NRXN3: variants seen among roughly 807,000 people sequenced by gnomAD.
NRXN3 encodes the protein neurexin 3.
In NRXN3, 32 loss-of-function variants were observed where a neutral mutation model predicts 137.6. The ratio of observed to expected loss-of-function variants is 0.23; its 90% confidence interval spans 0.18 to 0.31. NRXN3 has a LOEUF of 0.31. Ranked by LOEUF, NRXN3 falls within the 10% of genes least tolerant of loss-of-function variation. The pLI is 1.00. For missense variants in NRXN3, 1,574 were observed against 2,062.5 expected (o/e 0.76, Z 4.59); for synonymous variants, 798 against 784.5 (o/e 1.02, Z -0.29).
At chr14:79,743,373 T>C (rs2098969142) in intron 19 of NRXN3, among the ~76,000 whole-genome samples, 3 of 152,100 alleles carry the variant, frequency 2.0e-5, no homozygotes, top group Admixed American at 1.3e-4. Flanking sequence ...TAGGGAACTG[T>C]CTAAAATTTC....
intron 4 of NRXN3, among the ~76,000 whole-genome samples, chr14:78,360,655 G>C (rs1025618770): frequency 3.3e-5 from 5 of 152,210 alleles, no homozygotes; most frequent in African/African-American, 9.6e-5. Flanking sequence ...AAGGTACTTA[G>C]AACAATGCCT....
chr14:79,740,522 G>A (rs1287082351), intron 19 of NRXN3, among the ~76,000 whole-genome samples: 2 of 151,220 alleles, frequency 1.3e-5, no homozygotes, highest in Non-Finnish European at 2.9e-5. Flanking sequence ...GAATGTGCCT[G>A]CCACTTTTGT....
At chr14:78,691,450 C>T (rs953013788) in intron 6 of NRXN3, among the ~76,000 whole-genome samples, 1 of 152,146 alleles carries the variant, frequency 6.6e-6, no homozygotes, top group African/African-American at 2.4e-5. Flanking sequence ...TCAATTTATC[C>T]TGTTGTCACT....
intron 16 of NRXN3, among the ~76,000 whole-genome samples, chr14:79,509,094 C>T (rs1201957863): frequency 6.6e-6 from 1 of 152,052 alleles, no homozygotes; most frequent in Non-Finnish European, 1.5e-5. Flanking sequence ...AGTCAGATGG[C>T]TGAGGCACAA....
chr14:78,253,073 T>G (rs1359612055), intron 2 of NRXN3, among the ~76,000 whole-genome samples: 10 of 151,790 alleles, frequency 6.6e-5, no homozygotes. Flanking sequence ...CACTGAGCTC[T>G]GACCTGTGGA....
At chr14:79,278,074 G>T (rs139534753) in intron 15 of NRXN3, among the ~76,000 whole-genome samples, 124 of 152,246 alleles carry the variant, frequency 8.1e-4, no homozygotes, top group African/African-American at 2.8e-3. Flanking sequence ...CTTAATCCCT[G>T]TTCTTTATCC....
intron 8 of NRXN3, among the ~76,000 whole-genome samples, chr14:78,721,419 G>T (rs2098459227): frequency 6.6e-6 from 1 of 152,006 alleles, no homozygotes; most frequent in Non-Finnish European, 1.5e-5. Context: ...GCTCTCTCAG[G>T]CCCTTTTCAA....
chr14:78,876,652 A>C (rs1456700853), intron 10 of NRXN3, among the ~76,000 whole-genome samples: 1 of 152,218 alleles, frequency 6.6e-6, no homozygotes, highest in Non-Finnish European at 1.5e-5. Flanking sequence ...AGGTTTGGTT[A>C]CATGACCAAA....
At chr14:78,315,522 T>C (rs929379604) in intron 4 of NRXN3, among the ~76,000 whole-genome samples, 21 of 152,258 alleles carry the variant, frequency 1.4e-4, no homozygotes, top group Non-Finnish European at 1.2e-4. Flanking sequence ...TATGAGACTT[T>C]AATAGAAGTA....
chr14:78,691,661 C>T (rs1567069876), intron 6 of NRXN3, among the ~76,000 whole-genome samples: 1 of 152,206 alleles, frequency 6.6e-6, no homozygotes, highest in East Asian at 1.9e-4. Flanking sequence ...TGCTAACAAT[C>T]TTTCAGATTG....
rs113458064 is a variant in NRXN3 at position 78,353,210 on chromosome 14, C to A, written c.757+55350C>A. 5.6e-3 allele frequency among the ~76,000 whole-genome samples: 849 copies of A among 152,288 alleles called. 5 individuals are homozygous for A. The highest frequency in any genetic ancestry group is 0.012 in the African/African-American group (484 of 41,554). ...TCAGGGAAAGCACAAGACCCCACGT[C>A]TCTGGTTCCCACACACGTTCACTTT... On this transcript the variant is annotated intron_variant, in intron 4 of 20. Transcript: ENST00000335750.
At chr14:78,488,165 T>C (rs1459349536) in intron 4 of NRXN3, among the ~76,000 whole-genome samples, 1 of 152,202 alleles carries the variant, frequency 6.6e-6, no homozygotes, top group African/African-American at 2.4e-5. Context: ...AATTTCCTCT[T>C]GTTATAAGGA....
chr14:79,806,962 A>ATTTTTTTTT (rs35028709), intron 20 of NRXN3, among the ~76,000 whole-genome samples: 3 of 26,354 alleles, frequency 1.1e-4, no homozygotes, highest in East Asian at 1.9e-3. Context: ...ATATATATAT[A>ATTTTTTTTT]TTTTTTTTTT....
chr14:79,201,730 A>G (rs1027903116), intron 15 of NRXN3: 13 of 152,352 alleles, frequency 8.5e-5, no homozygotes, highest in Non-Finnish European at 1.5e-4. Context: ...ATCACAAACT[A>G]TTAAAGTTGA....
intron 4 of NRXN3, among the ~76,000 whole-genome samples, chr14:78,585,962 G>C (rs368316521): frequency 2.0e-5 from 3 of 152,224 alleles, no homozygotes; most frequent in African/African-American, 4.8e-5. Context: ...GGATGGAAGC[G>C]TAGATAAATT....
intron 4 of NRXN3, among the ~76,000 whole-genome samples, chr14:78,449,054 A>G (rs2153703978): frequency 6.6e-6 from 1 of 152,280 alleles, no homozygotes; most frequent in African/African-American, 2.4e-5. Context: ...GGTAAAGAAG[A>G]AAACAAATTA....
At chr14:79,475,472 T>C (rs1173759331) in intron 16 of NRXN3, among the ~76,000 whole-genome samples, 2 of 152,112 alleles carry the variant, frequency 1.3e-5, no homozygotes, top group Non-Finnish European at 2.9e-5. Context: ...TTTATATATA[T>C]ATAAATTGAG....
chr14:78,495,063 C>G (rs531071851), intron 4 of NRXN3, among the ~76,000 whole-genome samples: 1 of 149,322 alleles, frequency 6.7e-6, no homozygotes, highest in East Asian at 2.0e-4. Context: ...CTGGTGTACC[C>G]TGGGGAAAAA....
chr14:79,175,561 G>A (rs1481406986), intron 15 of NRXN3, among the ~76,000 whole-genome samples: 1 of 152,142 alleles, frequency 6.6e-6, no homozygotes, highest in Non-Finnish European at 1.5e-5. Flanking sequence ...TTATTTTTAA[G>A]GCAGGTAAAT....
Sources: gnomAD v4.1 joint callset for allele counts (sites outside exome capture counted in the v4.1 genomes callset) on GRCh38, gnomAD v4.1.1 for gene constraint, MANE v1.5 for transcripts, NCBI Gene and HGNC (gene_info 2026-07-23, HGNC 2026-07-21) for gene names.